The following AP1G1 variants were observed in gnomAD, a reference collection of about 807,000 sequenced individuals.
AP1G1 encodes the protein adaptor related protein complex 1 subunit gamma 1, also known as AP-1 complex subunit gamma-1.
AP1G1 carries 7 observed loss-of-function variants against 108.3 expected under a neutral mutation model. That is an observed-to-expected ratio of 0.06 (90% CI 0.04 to 0.12). The LOEUF is 0.12. Among genes scored for constraint, AP1G1 ranks in the 10% least tolerant of loss-of-function variants. The pLI, the probability that AP1G1 is intolerant of heterozygous loss-of-function variation, is 1.00. For synonymous variants in AP1G1, 379 were observed against 353.5 expected, an observed-to-expected ratio of 1.07 and a Z score of -0.81; for missense variants, 756 against 1,010.7, an observed-to-expected ratio of 0.75 and a Z score of 3.42.
At chr16:71,751,496 G>T (rs184138450) in intron 13 of AP1G1, among the ~76,000 whole-genome samples, 4 of 150,744 alleles carry the variant, frequency 2.7e-5, no homozygotes, top group African/African-American at 7.3e-5. Context: ...ACAGCCAGGT[G>T]ATCAGGGTTT....
intron 22 of AP1G1, 43 bp from the exon 23 acceptor site, chr16:71,733,202 A>C: frequency 6.9e-7 from 1 of 1,446,526 alleles, no homozygotes; most frequent in Non-Finnish European, 9.7e-7. Flanking sequence ...ACTGAAATGA[A>C]ATCTCCAGAA....
In AP1G1 at chr16:71,729,308, G is replaced by A. The variant is rs970994264; in HGVS notation, c.*3750C>T. ...AACTTACAACACTAAGAAAGAAAAG[G>A]GCCTTTATAGGAACACAGTGGGAGT... On this transcript the variant is annotated 3_prime_UTR_variant, in exon 23 of 23. Transcript: ENST00000299980. 1 of 152,172 alleles carries A rather than the reference G, an allele frequency of 6.6e-6. No homozygotes were observed. The highest frequency in any genetic ancestry group is 1.5e-5 in the Non-Finnish European group (1 of 67,952). The allele number at this position is 152,172 out of a possible 1,614,324, so 9.4% of individuals were successfully genotyped here.
In AP1G1 at chr16:71,730,184, G is replaced by A. The variant is rs2045463900; in HGVS notation, c.*2874C>T. ...TGCACAGCCTAAAACTTCCGTGACTGTCCAAACCACCTCAAGGTAACAGCA... is the reference window on the plus strand; with the variant it reads ...TGCACAGCCTAAAACTTCCGTGACTATCCAAACCACCTCAAGGTAACAGCA... On this transcript the variant is annotated 3_prime_UTR_variant, in exon 23 of 23. Coordinates refer to ENST00000299980, the MANE Select transcript of AP1G1 (RefSeq NM_001128.6). 2.0e-5 allele frequency: 3 copies of A among 152,592 alleles called. No homozygotes were observed. The highest frequency in any genetic ancestry group is 1.3e-4 in the Admixed American group (2 of 15,272). The allele number at this position is 152,592 out of a possible 1,614,324, so 9.5% of individuals were successfully genotyped here.
Position 71,745,288 on chromosome 16 carries a change from A to G in AP1G1, c.1873-18T>C. 1 of 1,613,628 alleles carries G rather than the reference A, an allele frequency of 6.2e-7. No individual in the cohort carries two copies. Among genetic ancestry groups the G allele is most frequent in the East Asian group, 2.2e-5 (1 of 44,872 alleles). On this transcript the variant is annotated intron_variant, in intron 18 of 22. Coordinates refer to ENST00000299980, the MANE Select transcript of AP1G1 (RefSeq NM_001128.6). Reference sequence around the variant, plus strand: ...TCATTGGCCTAAACAAGGTAACAACACCTCAATTCATTATTATTTGATTTG... The same window carrying G: ...TCATTGGCCTAAACAAGGTAACAACGCCTCAATTCATTATTATTTGATTTG...
chr16:71,764,765 C>A (rs1352602389), intron 7 of AP1G1, 39 bp from the exon 8 acceptor site: 1 of 1,315,954 alleles, frequency 7.6e-7, no homozygotes, highest in Non-Finnish European at 1.1e-6. Flanking sequence ...CAAATTATGT[C>A]TCACACAAAG....
At chr16:71,745,664 T>C (rs1213569936) in intron 17 of AP1G1, 50 bp from the exon 18 acceptor site, 5 of 1,504,356 alleles carry the variant, frequency 3.3e-6, no homozygotes, top group Non-Finnish European at 4.6e-6. Flanking sequence ...CTAGATTCCC[T>C]ACCCAAAATA....
In AP1G1 at chr16:71,745,286, A is replaced by G; in HGVS notation, c.1873-16T>C. 1 of 1,613,994 alleles carries G rather than the reference A, an allele frequency of 6.2e-7. No individual in the cohort carries two copies. Among genetic ancestry groups the G allele is most frequent in the Non-Finnish European group, 8.5e-7 (1 of 1,179,964 alleles). On this transcript the variant is annotated splice_polypyrimidine_tract_variant and intron_variant, in intron 18 of 22. Coordinates refer to ENST00000299980, the MANE Select transcript of AP1G1 (RefSeq NM_001128.6). ...AATCATTGGCCTAAACAAGGTAACAACACCTCAATTCATTATTATTTGATT... is the reference window on the plus strand; with the variant it reads ...AATCATTGGCCTAAACAAGGTAACAGCACCTCAATTCATTATTATTTGATT...
intron 21 of AP1G1, among the ~76,000 whole-genome samples, chr16:71,738,474 CGAA>C (rs1464056143): frequency 1.3e-5 from 2 of 152,082 alleles, no homozygotes; most frequent in East Asian, 3.9e-4. Flanking sequence ...TGGATGTTAA[CGAA>C]GGAGGAATGT....
intron 2 of AP1G1, among the ~76,000 whole-genome samples, chr16:71,785,125 T>C (rs1324240216): frequency 1.3e-5 from 2 of 151,936 alleles, no homozygotes; most frequent in Non-Finnish European, 2.9e-5. Context: ...GTATGTACTT[T>C]ACACTTACAG....
At chr16:71,806,565 T>A in intron 1 of AP1G1, 1 of 530,068 alleles carries the variant, frequency 1.9e-6, no homozygotes, top group Non-Finnish European at 2.9e-6. Flanking sequence ...AATACCAATA[T>A]ATTAAAGCAT....
chr16:71,793,324 C>T (rs1021419845), intron 1 of AP1G1, among the ~76,000 whole-genome samples: 2 of 152,118 alleles, frequency 1.3e-5, no homozygotes, highest in Admixed American at 6.5e-5. Flanking sequence ...GAGAGTGACA[C>T]ATCAACACAC....
At chr16:71,791,568 C>T (rs2032399799) in intron 1 of AP1G1, among the ~76,000 whole-genome samples, 1 of 151,500 alleles carries the variant, frequency 6.6e-6, no homozygotes, top group Admixed American at 6.6e-5. Context: ...GACTACTGTC[C>T]CAGCTACTCA....
rs1418966301 is a variant in AP1G1 at position 71,730,278 on chromosome 16, GAATT to G, written c.*2776_*2779del. 6.7e-6 allele frequency: 1 copy of G among 149,470 alleles called. No individual in the cohort carries two copies. The highest frequency in any genetic ancestry group is 1.5e-5 in the Non-Finnish European group (1 of 67,344). 9.3% of individuals were successfully genotyped at this position (149,470 alleles called of 1,614,324 possible). On this transcript the variant is annotated 3_prime_UTR_variant, in exon 23 of 23. Coordinates refer to ENST00000299980, the MANE Select transcript of AP1G1 (RefSeq NM_001128.6). ...TACAGTTTTTTGAGATTACTTAGAT[GAATT>G]AATTCTCCTTTAGGATTCCCCGGGA...
intron 1 of AP1G1, among the ~76,000 whole-genome samples, chr16:71,790,416 T>C (rs2145527621): frequency 2.0e-5 from 3 of 151,842 alleles, no homozygotes; most frequent in Middle Eastern, 6.8e-3. Context: ...GGCACATGCC[T>C]GTAATCCCAG....
intron 2 of AP1G1, among the ~76,000 whole-genome samples, chr16:71,784,323 G>C (rs538044972): frequency 2.0e-5 from 3 of 152,290 alleles, no homozygotes; most frequent in East Asian, 3.9e-4. Flanking sequence ...GTCACATCCA[G>C]GCAATCTGGT....
At chr16:71,787,064 T>C (rs2032229427) in intron 2 of AP1G1, among the ~76,000 whole-genome samples, 1 of 151,636 alleles carries the variant, frequency 6.6e-6, no homozygotes, top group Non-Finnish European at 1.5e-5. Flanking sequence ...CTCACTTCTG[T>C]AATCCCAGAA....
chr16:71,790,537 A>T (rs1374519476), intron 1 of AP1G1, among the ~76,000 whole-genome samples: 1 of 151,942 alleles, frequency 6.6e-6, no homozygotes, highest in Non-Finnish European at 1.5e-5. Flanking sequence ...CAAAAAAAAA[A>T]AAAAAAGAAT....
chr16:71,755,942 C>T (rs2030763949), intron 12 of AP1G1, 77 bp downstream of exon 12: 2 of 1,506,598 alleles, frequency 1.3e-6, no homozygotes, highest in Non-Finnish European at 1.8e-6. Flanking sequence ...CCGCGCCCAG[C>T]CCCCTCCCCA....
At chr16:71,740,726 A>G (rs1412648356) in intron 19 of AP1G1, among the ~76,000 whole-genome samples, 2 of 152,250 alleles carry the variant, frequency 1.3e-5, no homozygotes, top group African/African-American at 4.8e-5. Flanking sequence ...ACTACATACT[A>G]TATCAAGAAA....
Sources: allele counts gnomAD v4.1 joint callset (sites outside exome capture counted in the v4.1 genomes callset), GRCh38; gene constraint gnomAD v4.1.1; transcripts MANE v1.5; gene names NCBI Gene and HGNC (gene_info 2026-07-23, HGNC 2026-07-21).